Variants in DNASE1L3 observed in about 807,000 individuals in gnomAD.
DNASE1L3 encodes the protein deoxyribonuclease 1L3, also known as deoxyribonuclease gamma.
A neutral mutation model predicts 30.9 loss-of-function variants in DNASE1L3; 27 were observed. That is an observed-to-expected ratio of 0.87 (90% CI 0.64 to 1.20). DNASE1L3 has a LOEUF of 1.20. Ranked by LOEUF, DNASE1L3 falls within the 50% of genes most tolerant of loss-of-function variation. The pLI is 0.00. For missense variants in DNASE1L3, 364 were observed against 378.2 expected, an observed-to-expected ratio of 0.96 and a Z score of 0.31; for synonymous variants, 135 against 138.0, an observed-to-expected ratio of 0.98 and a Z score of 0.15.
At chr3:58,208,676 TAGTA>T (rs2097405651) in intron 1 of DNASE1L3, among the ~76,000 whole-genome samples, 2 of 152,148 alleles carry the variant, frequency 1.3e-5, no homozygotes, top group African/African-American at 4.8e-5. Context: ...ATTAAGCCCT[TAGTA>T]AGCAAAGATA....
At chr3:58,209,123 G>T (rs370714572) in intron 1 of DNASE1L3, among the ~76,000 whole-genome samples, 1 of 152,156 alleles carries the variant, frequency 6.6e-6, no homozygotes, top group Non-Finnish European at 1.5e-5. Context: ...GTCAATGGGC[G>T]CTAGGGATAA....
intron 2 of DNASE1L3, among the ~76,000 whole-genome samples, chr3:58,207,447 C>A (rs9757648): frequency 0.25 from 17,761 of 69,658 alleles, 2,014 homozygotes; most frequent in African/African-American, 0.42. Context: ...TCACACCCCC[C>A]CCCCCCCCAC....
intron 6 of DNASE1L3, among the ~76,000 whole-genome samples, chr3:58,196,034 A>C (rs1397593124): frequency 6.6e-6 from 1 of 151,936 alleles, no homozygotes; most frequent in African/African-American, 2.4e-5. Flanking sequence ...CTTCCCACTC[A>C]TTTGCCAGGG....
chr3:58,204,333 G>T (rs1004096071), intron 4 of DNASE1L3, among the ~76,000 whole-genome samples: 8 of 152,022 alleles, frequency 5.3e-5, no homozygotes, highest in Non-Finnish European at 1.2e-4. Context: ...TAGAGACGGG[G>T]TTTCACCATG....
chr3:58,192,462 T>C lies in DNASE1L3; in HGVS notation c.*225A>G. On this transcript the variant is annotated 3_prime_UTR_variant, in exon 8 of 8. Transcript: ENST00000394549. The surrounding 1 kb of genome is among the most constrained non-coding windows in gnomAD (Gnocchi z 4.8). Reference sequence around the variant, plus strand: ...CAGGGCATGAAGATCATCATTTTGGTCTACAAATGCCCCTGGTTCCCTTTT... The same window carrying C: ...CAGGGCATGAAGATCATCATTTTGGCCTACAAATGCCCCTGGTTCCCTTTT... 1 of 384,222 alleles carries C rather than the reference T, an allele frequency of 2.6e-6. No homozygotes were observed. Among genetic ancestry groups the C allele is most frequent in the Non-Finnish European group, 4.6e-6 (1 of 215,894 alleles). 23.8% of individuals were successfully genotyped at this position (384,222 alleles called of 1,614,324 possible).
chr3:58,207,455 CACCA>C (rs1459716052), intron 2 of DNASE1L3, among the ~76,000 whole-genome samples: 1 of 47,920 alleles, frequency 2.1e-5, no homozygotes, highest in East Asian at 6.5e-4. Flanking sequence ...CCCCCCCCCC[CACCA>C]GAAGTAACCA....
intron 6 of DNASE1L3, among the ~76,000 whole-genome samples, chr3:58,194,400 AC>A (rs2097395954): frequency 6.9e-6 from 1 of 144,634 alleles, no homozygotes; most frequent in African/African-American, 2.6e-5. Flanking sequence ...GCTCACTGCA[AC>A]CTCCACCTTC....
chr3:58,206,192 G>A (rs1330224314), intron 2 of DNASE1L3, among the ~76,000 whole-genome samples: 5 of 152,224 alleles, frequency 3.3e-5, no homozygotes, highest in Admixed American at 2.6e-4. Flanking sequence ...AGGGAAAGCG[G>A]ACTCTTTCTG....
chr3:58,197,949 G>A lies in DNASE1L3; in HGVS notation c.576C>T (p.Ala192=), dbSNP rs148439707. 4.5e-5 allele frequency: 72 copies of A among 1,613,032 alleles called. No individual in the cohort carries two copies. The highest frequency in any genetic ancestry group is 9.3e-5 in the African/African-American group (7 of 74,890). The part of the protein sequence containing the change: ...ENFIFMGDFN[A]GCSYVPKKAW... ...CCTTCTTGGGGACGTAGCTGCAGCC[G>A]GCATTGAAGTCACCCATGAAAATGA... The change falls in exon 6 of 8, where the codon GCC becomes GCT. Residue 192 remains alanine, a synonymous_variant. Coordinates refer to ENST00000394549, the MANE Select transcript of DNASE1L3 (RefSeq NM_004944.4). The surrounding 1 kb of genome is among the most constrained non-coding windows in gnomAD (Gnocchi z 5.3).
intron 6 of DNASE1L3, among the ~76,000 whole-genome samples, chr3:58,193,852 C>T (rs940457801): frequency 6.6e-6 from 1 of 152,146 alleles, no homozygotes; most frequent in Non-Finnish European, 1.5e-5. Context: ...CCCTCAGTCC[C>T]GTGTTGACAG....
intron 6 of DNASE1L3, 101 bp from the exon 7 acceptor site, chr3:58,193,540 G>A (rs185772834): frequency 8.2e-4 from 851 of 1,041,932 alleles, no homozygotes; most frequent in Admixed American, 1.2e-3. Flanking sequence ...CGAGCAGTCT[G>A]GCCCTTTCAT....
intron 4 of DNASE1L3, among the ~76,000 whole-genome samples, chr3:58,202,883 T>C (rs1020447240): frequency 1.3e-5 from 2 of 151,876 alleles, no homozygotes; most frequent in African/African-American, 4.8e-5. Flanking sequence ...TGTCAGTTTA[T>C]ACTCCTTTGT....
chr3:58,206,243 G>C (rs1359021954), intron 2 of DNASE1L3, among the ~76,000 whole-genome samples: 1 of 152,170 alleles, frequency 6.6e-6, no homozygotes, highest in Non-Finnish European at 1.5e-5. Flanking sequence ...TCTGGGCAGA[G>C]CCTAACATAA....
chr3:58,204,791 G>A lies in DNASE1L3; in HGVS notation c.411C>T (p.Val137=). ...TACCAGTGTGGGGAGATTGGAACCA[G>A]ACCACAAAGGGCTCCCTGGAAAACA... The part of the protein sequence containing the change: ...ADVFSREPFV[V]WFQSPHTAVK... Residue 137 remains valine (V), a synonymous_variant, in exon 4 of 8, where the codon GTC becomes GTT. Transcript: ENST00000394549. 6.2e-7 allele frequency: 1 copy of A among 1,614,124 alleles called. No individual in the cohort carries two copies. The highest frequency in any genetic ancestry group is 8.5e-7 in the Non-Finnish European group (1 of 1,180,012).
intron 4 of DNASE1L3, among the ~76,000 whole-genome samples, chr3:58,201,507 A>G (rs1324152408): frequency 1.3e-5 from 2 of 152,168 alleles, no homozygotes; most frequent in Non-Finnish European, 2.9e-5. Context: ...GCTCTATCCT[A>G]TGTAGCTGTT....
At chr3:58,193,705 A>G (rs1391842087) in intron 6 of DNASE1L3, among the ~76,000 whole-genome samples, 1 of 152,232 alleles carries the variant, frequency 6.6e-6, no homozygotes, top group African/African-American at 2.4e-5. Context: ...AGAAGATTTT[A>G]TATGACACAC....
chr3:58,210,830 A>G lies in DNASE1L3; in HGVS notation c.77T>C (p.Phe26Ser), dbSNP rs2097407283. 1 of 1,614,032 alleles carries G rather than the reference A, an allele frequency of 6.2e-7. No individual in the cohort carries two copies. Among genetic ancestry groups the G allele is most frequent in the Admixed American group, 1.7e-5 (1 of 59,988 alleles). The change falls in exon 1 of 8, where the codon TTC (phenylalanine) becomes TCC (serine). Residue 26 changes from phenylalanine to serine, a missense_variant. Phe to Ser is a radical substitution (Grantham distance 155). Transcript: ENST00000394549. ...GCTTTCCCCAAAGGACCTGACGTTG[A>G]AGGAGCAGATCCTCATGGCCAGGGC... The part of the protein sequence containing the change: ...HSALAMRICS[F>S]NVRSFGESKQ...
In DNASE1L3 at chr3:58,210,693, T is replaced by A; in HGVS notation, c.141+73A>T. 4 of 1,598,670 alleles carry A rather than the reference T, an allele frequency of 2.5e-6. No homozygotes were observed. In the Admixed American group the frequency reaches 6.8e-5, roughly 27 times the overall value. On this transcript the variant is annotated intron_variant, in intron 1 of 7. Coordinates refer to ENST00000394549, the MANE Select transcript of DNASE1L3 (RefSeq NM_004944.4). ...AAGGGCCAACTTTAAGTTCCTTGAG[T>A]CTCTTAAAGTCTGCAGACAGGAGAG...
intron 1 of DNASE1L3, among the ~76,000 whole-genome samples, chr3:58,210,273 A>AAAAG (rs879423006): frequency 6.6e-6 from 1 of 151,998 alleles, no homozygotes; most frequent in Admixed American, 6.6e-5. Flanking sequence ...AGAAAGAAAG[A>AAAAG]AAAGAAAGAA....
Sources: gnomAD v4.1 joint callset for allele counts (sites outside exome capture counted in the v4.1 genomes callset) on GRCh38, gnomAD v4.1.1 for gene constraint, Gnocchi (gnomAD v3.1) non-coding constraint, MANE v1.5 for transcripts, NCBI Gene and HGNC (gene_info 2026-07-23, HGNC 2026-07-21) for gene names.